Variants in C5orf46 observed in about 807,000 individuals in gnomAD.
C5orf46 encodes the protein uncharacterized protein C5orf46.
Under a neutral mutation model 8.9 loss-of-function variants are expected in C5orf46, and 9 were observed. The ratio of observed to expected loss-of-function variants is 1.01; its 90% confidence interval spans 0.61 to 1.76. C5orf46 has a LOEUF of 1.76. Among genes scored for constraint, C5orf46 ranks in the 40% most tolerant of loss-of-function variants. The pLI is 0.00. For synonymous variants in C5orf46, 47 were observed against 41.4 expected (o/e 1.14, Z -0.52); for missense variants, 98 against 107.8 (o/e 0.91, Z 0.40).
chr5:147,901,866 A>C, intron 1 of C5orf46, 93 bp from the exon 2 acceptor site: 1 of 1,392,536 alleles, frequency 7.2e-7, no homozygotes. Context: ...TTTCTGACCC[A>C]CTCACAAATT....
At chr5:147,896,287 C>T in intron 3 of C5orf46, among the ~76,000 whole-genome samples, 1 of 152,164 alleles carries the variant, frequency 6.6e-6, no homozygotes, top group East Asian at 1.9e-4. Context: ...CCTCCCTGAA[C>T]CTTCATTTCC....
intron 1 of C5orf46, among the ~76,000 whole-genome samples, 166 bp from the exon 2 acceptor site, chr5:147,901,939 T>A (rs1427671033): frequency 6.6e-6 from 1 of 152,230 alleles, no homozygotes; most frequent in Non-Finnish European, 1.5e-5. Flanking sequence ...AATCTTCACA[T>A]GCATTGTCTC....
At chr5:147,900,629 C>A (rs941997934) in intron 2 of C5orf46, among the ~76,000 whole-genome samples, 6 of 152,088 alleles carry the variant, frequency 3.9e-5, no homozygotes, top group South Asian at 2.1e-4. Context: ...TGTTGAAAAC[C>A]ATATCCATGG....
chr5:147,893,439 C>T (rs1281527080), intron 3 of C5orf46, among the ~76,000 whole-genome samples: 1 of 151,774 alleles, frequency 6.6e-6, no homozygotes, highest in Non-Finnish European at 1.5e-5. Flanking sequence ...CACCCGCTAC[C>T]ACACCTGGCT....
chr5:147,900,951 C>T (rs1289714360), intron 2 of C5orf46, among the ~76,000 whole-genome samples: 1 of 152,188 alleles, frequency 6.6e-6, no homozygotes, highest in Non-Finnish European at 1.5e-5. Context: ...GAATTAGACA[C>T]AGGCTTGGAA....
intron 1 of C5orf46, among the ~76,000 whole-genome samples, chr5:147,904,161 T>C (rs901684261): frequency 2.6e-5 from 4 of 151,656 alleles, no homozygotes; most frequent in African/African-American, 9.7e-5. Context: ...CTCAGAAGGA[T>C]TGGTTTGTTT....
chr5:147,891,191 C>T (rs12171507), downstream of C5orf46, among the ~76,000 whole-genome samples: 5,225 of 152,230 alleles, frequency 0.034, 292 homozygotes, highest in African/African-American at 0.12. Context: ...CTGTCATATG[C>T]AGAAAACAAT....
At chr5:147,905,676 T>A (rs1457350498) in intron 1 of C5orf46, among the ~76,000 whole-genome samples, 1 of 152,162 alleles carries the variant, frequency 6.6e-6, no homozygotes, top group Non-Finnish European at 1.5e-5. Flanking sequence ...TCTATGTGCT[T>A]GGAAAAGGTG....
chr5:147,896,988 G>A lies in C5orf46; in HGVS notation c.*5C>T, dbSNP rs369085949. 8.8e-6 allele frequency: 13 copies of A among 1,482,716 alleles called. No individual in the cohort carries two copies. In the African/African-American group the frequency reaches 1.2e-4, roughly 14 times the overall value. 91.8% of individuals were successfully genotyped at this position (1,482,716 alleles called of 1,614,324 possible). ...AAATTTTAAGTGAAAAATCACCTGA[G>A]GATGTCACTTTGATGAATGTTTTCC... On this transcript the variant is annotated 3_prime_UTR_variant, in exon 3 of 4. Transcript: ENST00000318315.
At chr5:147,898,882 TG>T (rs1757624350) in intron 2 of C5orf46, among the ~76,000 whole-genome samples, 1 of 152,096 alleles carries the variant, frequency 6.6e-6, no homozygotes, top group Non-Finnish European at 1.5e-5. Context: ...CAAAAGCAAG[TG>T]GAGAGAACAA....
intron 2 of C5orf46, chr5:147,886,737 GTATAT>G (rs1005491770): frequency 1.3e-5 from 2 of 150,818 alleles, no homozygotes; most frequent in South Asian, 2.1e-4. Context: ...TTTATATAAT[GTATAT>G]TATATTGTTT....
chr5:147,901,443 A>G (rs912473342), intron 2 of C5orf46, 186 bp downstream of exon 2: 2 of 507,856 alleles, frequency 3.9e-6, no homozygotes, highest in South Asian at 4.2e-5. Context: ...CTTTCCCCCA[A>G]AAAGCTCAGG....
At chr5:147,898,036 T>G (rs1333802489) in intron 2 of C5orf46, among the ~76,000 whole-genome samples, 2 of 152,100 alleles carry the variant, frequency 1.3e-5, no homozygotes. Context: ...CAATGGAAAT[T>G]CATGAAAAAC....
At chr5:147,906,357 G>C in intron 1 of C5orf46, 75 bp downstream of exon 1, 1 of 954,096 alleles carries the variant, frequency 1.0e-6, no homozygotes, top group Non-Finnish European at 1.6e-6. Context: ...TTTATGTTCT[G>C]AATCAGTGCC....
downstream of C5orf46, among the ~76,000 whole-genome samples, chr5:147,891,216 C>A (rs536475195): frequency 1.3e-5 from 2 of 152,304 alleles, no homozygotes; most frequent in Admixed American, 1.3e-4. Flanking sequence ...CCCTAATTCA[C>A]TTCAATCGCA....
chr5:147,886,543 G>A (rs1318279070), intron 2 of C5orf46: 3 of 150,458 alleles, frequency 2.0e-5, no homozygotes, highest in African/African-American at 7.3e-5. Flanking sequence ...TTACATATAT[G>A]CATATATGTA....
chr5:147,894,921 G>A (rs1016320425), intron 3 of C5orf46, among the ~76,000 whole-genome samples: 4 of 151,798 alleles, frequency 2.6e-5, no homozygotes, highest in African/African-American at 9.7e-5. Flanking sequence ...AAATTAGCCG[G>A]GTGTGGTGAT....
downstream of C5orf46, among the ~76,000 whole-genome samples, chr5:147,891,599 A>G (rs931073749): frequency 2.6e-5 from 4 of 152,230 alleles, no homozygotes; most frequent in African/African-American, 9.6e-5. Context: ...TTTCTCACAT[A>G]TAAGTAGTGT....
intron 3 of C5orf46, among the ~76,000 whole-genome samples, chr5:147,893,258 G>GA (rs963686558): frequency 7.3e-6 from 1 of 137,604 alleles, no homozygotes; most frequent in Non-Finnish European, 1.6e-5. Flanking sequence ...TGATGAAAAA[G>GA]AAAAAAACTA....
Sources: allele counts gnomAD v4.1 joint callset (sites outside exome capture counted in the v4.1 genomes callset), GRCh38; gene constraint gnomAD v4.1.1; transcripts MANE v1.5; gene names NCBI Gene and HGNC (gene_info 2026-07-23, HGNC 2026-07-21).